CYB5R4: variants seen among roughly 807,000 people sequenced by gnomAD.
The protein encoded by CYB5R4 is cytochrome b5 reductase 4.
Under a neutral mutation model 70.2 loss-of-function variants are expected in CYB5R4, and 55 were observed. That is an observed-to-expected ratio of 0.78 (90% CI 0.63 to 0.98). The LOEUF is 0.98. Among genes scored for constraint, CYB5R4 ranks in the 50% least tolerant of loss-of-function variants. The pLI is 0.00. For synonymous variants in CYB5R4, 197 were observed against 199.5 expected, an observed-to-expected ratio of 0.99 and a Z score of 0.11; for missense variants, 562 against 612.6, an observed-to-expected ratio of 0.92 and a Z score of 0.87.
chr6:83,938,238 A>T (rs1237779396), intron 12 of CYB5R4, among the ~76,000 whole-genome samples: 1 of 152,236 alleles, frequency 6.6e-6, no homozygotes, highest in Admixed American at 6.5e-5. Flanking sequence ...ATTGTAATAA[A>T]GTAAGTGGAA....
intron 4 of CYB5R4, 147 bp downstream of exon 4, chr6:83,909,237 C>T (rs1050278618): frequency 9.4e-6 from 5 of 530,086 alleles, no homozygotes; most frequent in Non-Finnish European, 9.9e-6. Context: ...AGAGGTTTTC[C>T]TTCATTTCTT....
intron 3 of CYB5R4, among the ~76,000 whole-genome samples, chr6:83,899,400 C>T (rs182486520): frequency 1.6e-3 from 243 of 152,212 alleles, no homozygotes; most frequent in African/African-American, 5.0e-3. Flanking sequence ...CATCAATGTT[C>T]ATTAGGGATA....
chr6:83,919,593 T>C lies in CYB5R4; in HGVS notation c.564+139T>C, dbSNP rs976080770. ...GTAGATAGTATTGTTATCCCTTTTGTACAGAAGAGGAAACAAAGAAAAGAT... is the reference window on the plus strand; with the variant it reads ...GTAGATAGTATTGTTATCCCTTTTGCACAGAAGAGGAAACAAAGAAAAGAT... On this transcript the variant is annotated intron_variant, in intron 7 of 15. Transcript: ENST00000369681. The C allele has an allele frequency of 7.8e-5, 32 of 411,858 alleles. No homozygotes were observed. The East Asian group carries it at 1.2e-3, about 16-fold the overall frequency. 25.5% of individuals were successfully genotyped at this position (411,858 alleles called of 1,614,324 possible). A position where few individuals can be genotyped will look rare whatever the true frequency, so the allele number is the denominator to read the frequency against.
chr6:83,890,018 T>A (rs2099460874), intron 2 of CYB5R4, among the ~76,000 whole-genome samples: 2 of 152,156 alleles, frequency 1.3e-5, no homozygotes, highest in Admixed American at 1.3e-4. Context: ...AACATGAGAT[T>A]TGGGCTGGGA....
At chr6:83,888,201 G>T (rs754881572) in intron 2 of CYB5R4, among the ~76,000 whole-genome samples, 1 of 152,124 alleles carries the variant, frequency 6.6e-6, no homozygotes, top group Non-Finnish European at 1.5e-5. Flanking sequence ...TTCAAAATTA[G>T]TTTCTAAAAA....
intron 15 of CYB5R4, among the ~76,000 whole-genome samples, chr6:83,956,142 T>C (rs1475241819): frequency 6.6e-6 from 1 of 152,138 alleles, no homozygotes; most frequent in Non-Finnish European, 1.5e-5. Flanking sequence ...TTTCTAGATG[T>C]TGATGAAAAA....
intron 2 of CYB5R4, among the ~76,000 whole-genome samples, chr6:83,878,731 CA>C (rs1246443780): frequency 6.9e-6 from 1 of 144,670 alleles, no homozygotes; most frequent in East Asian, 2.1e-4. Context: ...ACATGTAGTA[CA>C]TTTTTTTTTT....
At position 83,963,608 on chromosome 6, in the gene CYB5R4, C is replaced by G. The variant is rs1346566267; in HGVS notation, c.*3730C>G. The G allele has an allele frequency of 6.6e-6, 1 of 152,154 alleles. No homozygotes were observed. Among genetic ancestry groups the G allele is most frequent in the Non-Finnish European group, 1.5e-5 (1 of 68,028 alleles). 9.4% of individuals were successfully genotyped at this position (152,154 alleles called of 1,614,324 possible). A position where few individuals can be genotyped will look rare whatever the true frequency, so the allele number is the denominator to read the frequency against. Reference sequence around the variant, plus strand: ...CCAGCATTGCAAGTTTAGCAGACCTCAAAACAGAATGCCAAAGTGATCTTA... The same window carrying G: ...CCAGCATTGCAAGTTTAGCAGACCTGAAAACAGAATGCCAAAGTGATCTTA... On this transcript the variant is annotated 3_prime_UTR_variant, in exon 16 of 16. Coordinates refer to ENST00000369681, the MANE Select transcript of CYB5R4 (RefSeq NM_016230.4).
At chr6:83,863,913 G>C (rs962981575) in intron 1 of CYB5R4, among the ~76,000 whole-genome samples, 1 of 152,092 alleles carries the variant, frequency 6.6e-6, no homozygotes, top group Non-Finnish European at 1.5e-5. Context: ...CTGGATTTTG[G>C]TATAGGGTAG....
intron 2 of CYB5R4, among the ~76,000 whole-genome samples, chr6:83,882,713 C>T (rs1588562824): frequency 6.6e-6 from 1 of 152,130 alleles, no homozygotes; most frequent in East Asian, 1.9e-4. Context: ...ACAGGCCCGG[C>T]GTGGTGGCTC....
chr6:83,949,702 T>A (rs1327476953), intron 14 of CYB5R4, among the ~76,000 whole-genome samples: 1 of 152,212 alleles, frequency 6.6e-6, no homozygotes, highest in Non-Finnish European at 1.5e-5. Flanking sequence ...GCAAGTGTGC[T>A]ATGCTTGTCC....
intron 10 of CYB5R4, among the ~76,000 whole-genome samples, chr6:83,927,473 A>G (rs1013009751): frequency 1.2e-4 from 19 of 152,176 alleles, no homozygotes; most frequent in Admixed American, 7.2e-4. Context: ...AGCTACCTAT[A>G]AATCAGTGTT....
chr6:83,912,160 T>A (rs1455438407), intron 4 of CYB5R4, among the ~76,000 whole-genome samples: 3 of 152,108 alleles, frequency 2.0e-5, no homozygotes, highest in African/African-American at 7.2e-5. Context: ...GAAGCATCCT[T>A]ATCATAGTTC....
At chr6:83,860,594 C>T (rs1258205587) in intron 1 of CYB5R4, among the ~76,000 whole-genome samples, 1 of 152,104 alleles carries the variant, frequency 6.6e-6, no homozygotes, top group Non-Finnish European at 1.5e-5. Flanking sequence ...TTGTTTGTTC[C>T]TATTTGTTAG....
chr6:83,920,303 C>T (rs1271239549), intron 7 of CYB5R4, among the ~76,000 whole-genome samples: 1 of 152,122 alleles, frequency 6.6e-6, no homozygotes, highest in Admixed American at 6.5e-5. Context: ...TCCTCTCATT[C>T]TTGCAGCATG....
At chr6:83,895,632 T>C (rs1343466720) in intron 3 of CYB5R4, among the ~76,000 whole-genome samples, 1 of 152,220 alleles carries the variant, frequency 6.6e-6, no homozygotes, top group Non-Finnish European at 1.5e-5. Context: ...ATTTCTGTTC[T>C]TGAGTGTTAT....
At position 83,962,163 on chromosome 6, in the gene CYB5R4, C is replaced by G. The variant is rs2099473446; in HGVS notation, c.*2285C>G. ...GGAATCAACATCAATGTCCCCTTCTCCAGTCTGACTCTTCCATACCAGCTA... is the reference window on the plus strand; with the variant it reads ...GGAATCAACATCAATGTCCCCTTCTGCAGTCTGACTCTTCCATACCAGCTA... On this transcript the variant is annotated 3_prime_UTR_variant, in exon 16 of 16. Coordinates refer to ENST00000369681, the MANE Select transcript of CYB5R4 (RefSeq NM_016230.4). The G allele has an allele frequency of 1.3e-5, 2 of 152,240 alleles. No individual in the cohort carries two copies. Among genetic ancestry groups the G allele is most frequent in the Non-Finnish European group, 1.5e-5 (1 of 68,064 alleles). The allele number at this position is 152,240 out of a possible 1,614,324, so 9.4% of individuals were successfully genotyped here. A position where few individuals can be genotyped will look rare whatever the true frequency, so the allele number is the denominator to read the frequency against.
At chr6:83,954,992 C>T (rs2099472118) in intron 14 of CYB5R4, among the ~76,000 whole-genome samples, 1 of 151,772 alleles carries the variant, frequency 6.6e-6, no homozygotes, top group South Asian at 2.1e-4. Flanking sequence ...ACAATCCTCC[C>T]ACCTTGGCCT....
intron 3 of CYB5R4, among the ~76,000 whole-genome samples, chr6:83,901,868 C>G (rs1047184391): frequency 1.3e-5 from 2 of 151,854 alleles, no homozygotes; most frequent in South Asian, 4.2e-4. Context: ...TTGCCCACTT[C>G]TTAATGGGAT....
Sources: gnomAD v4.1 joint callset for allele counts (sites outside exome capture counted in the v4.1 genomes callset) on GRCh38, gnomAD v4.1.1 for gene constraint, MANE v1.5 for transcripts, NCBI Gene and HGNC (gene_info 2026-07-23, HGNC 2026-07-21) for gene names.